LRRC15: variants seen among roughly 807,000 people sequenced by gnomAD.
LRRC15 encodes leucine rich repeat containing 15.
In LRRC15, 5 loss-of-function variants were observed where a neutral mutation model predicts 4.3. The ratio of observed to expected loss-of-function variants is 1.16; its 90% confidence interval spans 0.61 to 2.44. The LOEUF (loss-of-function observed/expected upper bound fraction) is 2.44. Ranked by LOEUF, LRRC15 falls within the 30% of genes most tolerant of loss-of-function variation. The probability of loss-of-function intolerance (pLI) is 0.01; values close to 1 mark genes in which losing one functional copy is unlikely to be tolerated. For missense variants in LRRC15, 769 were observed against 747.0 expected, an observed-to-expected ratio of 1.03 and a Z score of -0.34; for synonymous variants, 337 against 323.2, an observed-to-expected ratio of 1.04 and a Z score of -0.46.
rs748108732 is a variant in LRRC15 at position 194,360,572 on chromosome 3, C to T, written c.472G>A (p.Gly158Ser). The change falls in exon 2 of 2, where the codon GGC becomes AGC. Residue 158 changes from glycine (G) to serine (S), a missense_variant. Gly to Ser is a moderately conservative substitution (Grantham distance 56, BLOSUM62 0). Coordinates refer to ENST00000347624, the MANE Select transcript of LRRC15 (RefSeq NM_130830.5). ...CSNLKELQLH[G>S]NHLEYIPDGA... ...TCAGGGATGTATTCCAGGTGGTTGC[C>T]GTGCAACTGCAGCTCCTTGAGGTTG... is the stretch of plus-strand genomic sequence containing the variant. 3.7e-6 allele frequency: 6 copies of T among 1,614,074 alleles called. No homozygotes were observed. Among genetic ancestry groups the T allele is most frequent in the African/African-American group, 2.7e-5 (2 of 74,982 alleles).
At chr3:194,363,290 A>G (rs1406129232) in intron 1 of LRRC15, 14 of 675,408 alleles carry the variant, frequency 2.1e-5, no homozygotes, top group Non-Finnish European at 3.5e-5. Context: ...CTGACCTGCT[A>G]TACTTTTACA....
At chr3:194,365,172 G>A (rs144208224) in intron 1 of LRRC15, among the ~76,000 whole-genome samples, 180 of 152,286 alleles carry the variant, frequency 1.2e-3, no homozygotes, top group Non-Finnish European at 1.9e-3. Context: ...TCCTGGGAAG[G>A]GGGAATAGCC....
intron 1 of LRRC15, among the ~76,000 whole-genome samples, chr3:194,362,559 G>A (rs6808544): frequency 0.062 from 9,407 of 152,142 alleles, 955 homozygotes; most frequent in African/African-American, 0.21. Context: ...AATCACTGCC[G>A]GTCACTCATT....
In LRRC15 at chr3:194,360,099, G is replaced by A. The variant is rs199941469; in HGVS notation, c.945C>T (p.Asn315=). ...GAATCAGGACCTGCAACTGGCGGAG[G>A]TTGCTGAAGACATTGTCGGGTAGAG... ...ISSLPDNVFS[N]LRQLQVLILS... Residue 315 remains asparagine, a synonymous_variant, in exon 2 of 2, where the codon AAC becomes AAT. Coordinates refer to ENST00000347624, the MANE Select transcript of LRRC15 (RefSeq NM_130830.5). 6.2e-7 allele frequency: 1 copy of A among 1,614,244 alleles called. No individual in the cohort carries two copies. Among genetic ancestry groups the A allele is most frequent in the Non-Finnish European group, 8.5e-7 (1 of 1,180,048 alleles).
chr3:194,363,339 G>T (rs1713688754), intron 1 of LRRC15: 1 of 713,120 alleles, frequency 1.4e-6, no homozygotes, highest in Non-Finnish European at 2.6e-6. Context: ...ATGGAAACAA[G>T]AAAGGAAAAA....
intron 1 of LRRC15, chr3:194,363,272 T>C (rs11925637): frequency 0.049 from 32,094 of 649,706 alleles, 2,953 homozygotes; most frequent in African/African-American, 0.31. Context: ...TCACAGCCCA[T>C]GGAAGCCCTG....
At position 194,360,282 on chromosome 3, in the gene LRRC15, G is replaced by C; in HGVS notation, c.762C>G (p.Asn254Lys). Residue 254 changes from asparagine to lysine, a missense_variant, in exon 2 of 2, where the codon AAC becomes AAG. Physicochemically the swap from Asn to Lys is moderately conservative, Grantham distance 94 (BLOSUM62 0). Transcript: ENST00000347624. ...TGGGTGGCAGCTGGGAGATGTGGTT[G>C]TTGGACAGGTAGAGTCTCTGGAGGT... ...NHNLQRLYLS[N>K]NHISQLPPSV... The C allele has an allele frequency of 6.2e-7, 1 of 1,614,120 alleles. No homozygotes were observed. The highest frequency in any genetic ancestry group is 1.1e-5 in the South Asian group (1 of 91,084).
chr3:194,361,757 C>G (rs1425164723), intron 1 of LRRC15, among the ~76,000 whole-genome samples: 1 of 152,222 alleles, frequency 6.6e-6, no homozygotes, highest in African/African-American at 2.4e-5. Flanking sequence ...CTCACCCTCG[C>G]CTGGGCCTGC....
At position 194,359,033 on chromosome 3, in the gene LRRC15, A is replaced by C; in HGVS notation, c.*265T>G. 1 of 335,944 alleles carries C rather than the reference A, an allele frequency of 3.0e-6. No individual in the cohort carries two copies. The highest frequency in any genetic ancestry group is 5.4e-6 in the Non-Finnish European group (1 of 184,470). The allele number at this position is 335,944 out of a possible 1,614,324, so 20.8% of individuals were successfully genotyped here. On this transcript the variant is annotated 3_prime_UTR_variant, in exon 2 of 2. Transcript: ENST00000347624. ...AGGATTTGGAGGAAGAGCCCTCTCG[A>C]AGGAAGCCCAGGGGTATGAATCGGA...
chr3:194,369,146 T>A (rs868857245), intron 1 of LRRC15, among the ~76,000 whole-genome samples: 1 of 152,206 alleles, frequency 6.6e-6, no homozygotes, highest in East Asian at 1.9e-4. Context: ...GACAGCTCTC[T>A]TGCCTGGGAA....
chr3:194,359,979 G>T lies in LRRC15; in HGVS notation c.1065C>A (p.Asp355Glu). 6.2e-7 allele frequency: 1 copy of T among 1,614,234 alleles called. No individual in the cohort carries two copies. Among genetic ancestry groups the T allele is most frequent in the Non-Finnish European group, 8.5e-7 (1 of 1,180,030 alleles). The change falls in exon 2 of 2, where the codon GAC becomes GAA. Residue 355 changes from aspartate (D) to glutamate (E), a missense_variant. By Grantham distance (45) the Asp-to-Glu change is conservative. Coordinates refer to ENST00000347624, the MANE Select transcript of LRRC15 (RefSeq NM_130830.5). Reference protein sequence around the residue: ...ELSLHTNALQDLDGNVFRMLA... With the variant: ...ELSLHTNALQELDGNVFRMLA... Reference sequence around the variant, plus strand: ...ACATGCGGAAGACGTTCCCGTCCAGGTCCTGCAGTGCGTTGGTGTGGAGGG... The same window carrying T: ...ACATGCGGAAGACGTTCCCGTCCAGTTCCTGCAGTGCGTTGGTGTGGAGGG...
In LRRC15 at chr3:194,359,689, A is replaced by C. The variant is rs1713542793; in HGVS notation, c.1355T>G (p.Val452Gly). 2 of 1,614,080 alleles carry C rather than the reference A, an allele frequency of 1.2e-6. No homozygotes were observed. Among genetic ancestry groups the C allele is most frequent in the African/African-American group, 2.7e-5 (2 of 74,932 alleles). Residue 452 changes from valine to glycine, a missense_variant, in exon 2 of 2, where the codon GTG becomes GGG. Val to Gly is a moderately radical substitution (Grantham distance 109). Transcript: ENST00000347624. The part of the protein sequence containing the change: ...QPRLGTDTVP[V>G]CFSPANVRGQ... ...TCGGACATTGGCTGGGCTGAAACAC[A>C]CAGGTACAGTGTCCGTCCCTAACCT...
intron 1 of LRRC15, among the ~76,000 whole-genome samples, chr3:194,367,261 A>G (rs1278317400): frequency 6.6e-6 from 1 of 152,212 alleles, no homozygotes; most frequent in African/African-American, 2.4e-5. Flanking sequence ...TCAAGGCTGC[A>G]GATGGATTTG....
At chr3:194,366,989 G>A (rs573356335) in intron 1 of LRRC15, among the ~76,000 whole-genome samples, 3 of 152,320 alleles carry the variant, frequency 2.0e-5, no homozygotes, top group South Asian at 4.2e-4. Flanking sequence ...GGATTGGGGA[G>A]GAGGTGGATT....
In LRRC15 at chr3:194,359,577, C is replaced by T. The variant is rs1386295443; in HGVS notation, c.1467G>A (p.Trp489Ter). 1.2e-6 allele frequency: 2 copies of T among 1,613,806 alleles called. No homozygotes were observed. Among genetic ancestry groups the T allele is most frequent in the Non-Finnish European group, 1.7e-6 (2 of 1,179,874 alleles). The change falls in exon 2 of 2, where the codon TGG (tryptophan) becomes TGA (stop). Residue 489 changes from tryptophan to a stop codon, truncating the protein, a stop_gained. Transcript: ENST00000347624. LOFTEE classifies it high-confidence loss of function. Reference sequence around the variant, plus strand: ...CAGGGTAACTGGGTGTGTCTGGGTACCATGGTGTTTCTGGGTAACTAGGCA... The same window carrying T: ...CAGGGTAACTGGGTGTGTCTGGGTATCATGGTGTTTCTGGGTAACTAGGCA... ...PEVPSYPETP[W>*]YPDTPSYPDT...
At chr3:194,367,706 G>C (rs1713822055) in intron 1 of LRRC15, among the ~76,000 whole-genome samples, 1 of 152,184 alleles carries the variant, frequency 6.6e-6, no homozygotes, top group Non-Finnish European at 1.5e-5. Context: ...CCTGATTTGG[G>C]AATACTCCAC....
In LRRC15 at chr3:194,360,408, G is replaced by T. The variant is rs778588470; in HGVS notation, c.636C>A (p.Ile212=). ...LRLYENRLTD[I]PMGTFDGLVN... ...CAAGCCCATCAAAAGTGCCCATGGG[G>T]ATATCCGTGAGCCTGTTCTCATACA... The change falls in exon 2 of 2, where the codon ATC becomes ATA. Residue 212 remains isoleucine (I), a synonymous_variant. Transcript: ENST00000347624. 2 of 1,614,080 alleles carry T rather than the reference G, an allele frequency of 1.2e-6. No homozygotes were observed. The highest frequency in any genetic ancestry group is 2.7e-5 in the African/African-American group (2 of 74,926).
rs1713593141 is a variant in LRRC15 at position 194,360,612 on chromosome 3, G to T, written c.432C>A (p.His144Gln). ...SNQLLQIQPA[H>Q]FSQCSNLKEL... ...CCTTGAGGTTGCTGCACTGGGAGAA[G>T]TGGGCCGGCTGGATCTGCAACAGCT... Residue 144 changes from histidine (H) to glutamine (Q), a missense_variant, in exon 2 of 2, where the codon CAC (histidine) becomes CAA (glutamine). Physicochemically the swap from His to Gln is conservative, Grantham distance 24. Transcript: ENST00000347624. 1.2e-6 allele frequency: 2 copies of T among 1,614,082 alleles called. No individual in the cohort carries two copies. Among genetic ancestry groups the T allele is most frequent in the African/African-American group, 2.7e-5 (2 of 74,922 alleles).
rs1273707683 is a variant in LRRC15 at position 194,360,503 on chromosome 3, C to T, written c.541G>A (p.Gly181Ser). The T allele has an allele frequency of 6.2e-7, 1 of 1,614,048 alleles. No individual in the cohort carries two copies. The change falls in exon 2 of 2, where the codon GGC becomes AGC. Residue 181 changes from glycine (G) to serine (S), a missense_variant. Transcript: ENST00000347624. ...HLVGLTKLNL[G>S]KNSLTHISPR... is the part of the protein sequence containing the mutation. ...GAGATGTGGGTGAGGCTATTCTTGCCCAGATTGAGCTTCGTGAGTCCTACC... is the reference window on the plus strand; with the variant it reads ...GAGATGTGGGTGAGGCTATTCTTGCTCAGATTGAGCTTCGTGAGTCCTACC...
Sources: gnomAD v4.1 joint callset for allele counts (sites outside exome capture counted in the v4.1 genomes callset) on GRCh38, gnomAD v4.1.1 for gene constraint, MANE v1.5 for transcripts, NCBI Gene and HGNC (gene_info 2026-07-23, HGNC 2026-07-21) for gene names.